Variants in SPAG16 observed in about 807,000 individuals in gnomAD.
SPAG16 encodes the protein sperm associated antigen 16, also known as sperm-associated antigen 16 protein.
In SPAG16, 86 loss-of-function variants were observed where a neutral mutation model predicts 80.4. That is an observed-to-expected ratio of 1.07 (90% CI 0.90 to 1.28). SPAG16 has a LOEUF of 1.28. Among genes scored for constraint, SPAG16 ranks in the 50% most tolerant of loss-of-function variants. The probability of loss-of-function intolerance (pLI) is 0.00; values close to 1 mark genes in which losing one functional copy is unlikely to be tolerated. For missense variants in SPAG16, 870 were observed against 765.3 expected (o/e 1.14, Z -1.61); for synonymous variants, 294 against 265.9 (o/e 1.11, Z -1.03).
intron 7 of SPAG16, among the ~76,000 whole-genome samples, chr2:213,359,241 C>G (rs533803974): frequency 6.6e-6 from 1 of 152,348 alleles, no homozygotes; most frequent in South Asian, 2.1e-4. Flanking sequence ...CAGGGACCCA[C>G]TTGAGGAGGC....
intron 9 of SPAG16, among the ~76,000 whole-genome samples, chr2:213,383,964 A>G (rs1479326833): frequency 6.6e-6 from 1 of 152,204 alleles, no homozygotes; most frequent in African/African-American, 2.4e-5. Flanking sequence ...CATTTGCCGG[A>G]TCAATGACTA....
chr2:213,995,428 A>G (rs1461137029), intron 12 of SPAG16, among the ~76,000 whole-genome samples: 1 of 152,214 alleles, frequency 6.6e-6, no homozygotes, highest in Non-Finnish European at 1.5e-5. Flanking sequence ...TGCCATGAAT[A>G]GCATATATGG....
chr2:213,622,483 C>T (rs1289232905), intron 10 of SPAG16, among the ~76,000 whole-genome samples: 1 of 152,204 alleles, frequency 6.6e-6, no homozygotes, highest in African/African-American at 2.4e-5. Flanking sequence ...AATGAGCTCC[C>T]ATGGCCTCTG....
intron 10 of SPAG16, among the ~76,000 whole-genome samples, chr2:213,704,670 A>AC (rs11379179): frequency 0.39 from 59,877 of 152,036 alleles, 12,289 homozygotes; most frequent in African/African-American, 0.48. Context: ...CTTTTAAGCT[A>AC]CCTGTTCTCC....
At chr2:213,736,193 GAATA>G (rs1447539997) in intron 10 of SPAG16, among the ~76,000 whole-genome samples, 6 of 152,268 alleles carry the variant, frequency 3.9e-5, no homozygotes, top group Non-Finnish European at 4.4e-5. Flanking sequence ...TTAATAGAGT[GAATA>G]AATAATTATA....
chr2:214,146,068 C>T (rs1241464431), intron 14 of SPAG16, among the ~76,000 whole-genome samples: 1 of 152,176 alleles, frequency 6.6e-6, no homozygotes, highest in Admixed American at 6.5e-5. Flanking sequence ...TGAGTCTTGA[C>T]TTTCATTAAG....
intron 8 of SPAG16, among the ~76,000 whole-genome samples, chr2:213,371,973 T>C (rs2066664787): frequency 6.6e-6 from 1 of 152,126 alleles, no homozygotes; most frequent in African/African-American, 2.4e-5. Context: ...AGTAGAAAAA[T>C]TTCTGGGAGA....
chr2:214,379,235 A>C (rs565639174), intron 15 of SPAG16, among the ~76,000 whole-genome samples: 2 of 152,374 alleles, frequency 1.3e-5, no homozygotes, highest in South Asian at 2.1e-4. Flanking sequence ...GGAATTTCCT[A>C]CCCAACCAAC....
At chr2:214,398,631 A>G (rs988750491) in intron 15 of SPAG16, among the ~76,000 whole-genome samples, 2 of 152,248 alleles carry the variant, frequency 1.3e-5, no homozygotes, top group African/African-American at 2.4e-5. Context: ...TAAATTTTCT[A>G]TGAGATATAA....
chr2:213,675,658 C>G (rs1284176413), intron 10 of SPAG16, among the ~76,000 whole-genome samples: 1 of 152,132 alleles, frequency 6.6e-6, no homozygotes, highest in Non-Finnish European at 1.5e-5. Flanking sequence ...TTCCCCAATA[C>G]TTGTTTTTCT....
At chr2:214,240,769 A>G (rs1576575003) in intron 15 of SPAG16, 1 of 152,346 alleles carries the variant, frequency 6.6e-6, no homozygotes, top group Middle Eastern at 3.4e-3. Context: ...TCTAGAATTT[A>G]TAGAAATTCT....
At chr2:214,367,833 G>C (rs958638575) in intron 15 of SPAG16, among the ~76,000 whole-genome samples, 1 of 151,962 alleles carries the variant, frequency 6.6e-6, no homozygotes, top group African/African-American at 2.4e-5. Flanking sequence ...AAATTCTGTT[G>C]CTGGATTGTC....
intron 15 of SPAG16, among the ~76,000 whole-genome samples, chr2:214,205,740 TA>T (rs2058125873): frequency 6.6e-6 from 1 of 152,216 alleles, no homozygotes; most frequent in Non-Finnish European, 1.5e-5. Flanking sequence ...TGATCCATAA[TA>T]TACCTATTTA....
chr2:213,855,375 C>T (rs1245697277), intron 10 of SPAG16, among the ~76,000 whole-genome samples: 2 of 152,222 alleles, frequency 1.3e-5, no homozygotes, highest in Admixed American at 6.5e-5. Context: ...TTTACCACTT[C>T]CTAGCTTTGT....
chr2:213,715,724 G>T (rs2125375458), intron 10 of SPAG16, among the ~76,000 whole-genome samples: 1 of 152,236 alleles, frequency 6.6e-6, no homozygotes, highest in Admixed American at 6.5e-5. Context: ...ATGGCTTTTT[G>T]AGGTTAATTT....
intron 10 of SPAG16, among the ~76,000 whole-genome samples, chr2:213,710,782 G>A (rs571882635): frequency 2.6e-5 from 4 of 152,224 alleles, no homozygotes; most frequent in Admixed American, 2.6e-4. Context: ...GCCTATACTG[G>A]TATCGAAGTA....
intron 12 of SPAG16, among the ~76,000 whole-genome samples, chr2:214,006,824 G>T (rs941780305): frequency 1.3e-5 from 2 of 152,144 alleles, no homozygotes; most frequent in African/African-American, 2.4e-5. Context: ...AGTGACTCAC[G>T]AGCAGATTTC....
intron 9 of SPAG16, among the ~76,000 whole-genome samples, chr2:213,407,749 CAGAG>C (rs987694776): frequency 8.6e-6 from 1 of 116,914 alleles, no homozygotes; most frequent in Admixed American, 9.0e-5. Context: ...AGGAGAGAGG[CAGAG>C]AGAGACAGGA....
chr2:213,751,281 G>A lies in SPAG16; in HGVS notation c.1071-111204G>A, dbSNP rs116594272. 1.8e-3 allele frequency among the ~76,000 whole-genome samples: 269 copies of A among 152,034 alleles called. 2 individuals are homozygous for A. The highest frequency in any genetic ancestry group is 6.1e-3 in the African/African-American group (254 of 41,450). On this transcript the variant is annotated intron_variant, in intron 10 of 15. Transcript: ENST00000331683. ...AACCTAGTTAAAATTTCTCCTCCACGTATGGTTGCTTGCAATATAGCCCAC... is the reference window on the plus strand; with the variant it reads ...AACCTAGTTAAAATTTCTCCTCCACATATGGTTGCTTGCAATATAGCCCAC...
Sources: allele counts gnomAD v4.1 joint callset (sites outside exome capture counted in the v4.1 genomes callset), GRCh38; gene constraint gnomAD v4.1.1; transcripts MANE v1.5; gene names NCBI Gene and HGNC (gene_info 2026-07-23, HGNC 2026-07-21).